Variants in IPO11 observed in about 807,000 individuals in gnomAD.
IPO11 encodes importin-11.
Under a neutral mutation model 143.2 loss-of-function variants are expected in IPO11, and 66 were observed. That is an observed-to-expected ratio of 0.46 (90% CI 0.38 to 0.57). The LOEUF (loss-of-function observed/expected upper bound fraction) is 0.57. IPO11 is among the 20% of genes least tolerant of loss of function. The pLI, the probability that IPO11 is intolerant of heterozygous loss-of-function variation, is 0.00. For synonymous variants in IPO11, 385 were observed against 377.8 expected, an observed-to-expected ratio of 1.02 and a Z score of -0.22; for missense variants, 1,026 against 1,141.0, an observed-to-expected ratio of 0.90 and a Z score of 1.45.
intron 1 of IPO11, among the ~76,000 whole-genome samples, chr5:62,434,339 T>C (rs1348743428): frequency 6.6e-6 from 1 of 152,168 alleles, no homozygotes; most frequent in Non-Finnish European, 1.5e-5. Flanking sequence ...GGTTTCTCTG[T>C]TGCCCAGGCT....
At position 62,504,868 on chromosome 5, in the gene IPO11, T is replaced by C. The variant is rs775318648; in HGVS notation, c.1635T>C (p.Asp545=). The change falls in exon 18 of 30, where the codon GAT becomes GAC. Residue 545 remains aspartate (D), a synonymous_variant. Coordinates refer to ENST00000325324, the MANE Select transcript of IPO11 (RefSeq NM_016338.5). ...TATTLKLTVD[D]FEFRTDQFLP... ...TTAACTGTTCTTCACCTGTTGATGA[T>C]TTTGAATTTAGAACAGATCAGTTTC... is the stretch of plus-strand genomic sequence containing the variant. The C allele has an allele frequency of 6.4e-7, 1 of 1,564,724 alleles. No homozygotes were observed. The highest frequency in any genetic ancestry group is 1.8e-5 in the Admixed American group (1 of 54,930).
intron 29 of IPO11, among the ~76,000 whole-genome samples, chr5:62,614,694 G>A (rs373617354): frequency 1.3e-4 from 20 of 150,262 alleles, no homozygotes; most frequent in South Asian, 4.2e-4. Context: ...CTGCAACTCC[G>A]AAAACCCAAG....
chr5:62,486,143 G>T (rs1303341142), intron 12 of IPO11, among the ~76,000 whole-genome samples: 4 of 151,736 alleles, frequency 2.6e-5, no homozygotes, highest in Non-Finnish European at 5.9e-5. Context: ...ACCACGCCCA[G>T]CTAATTTTTT....
At chr5:62,503,330 CTAATATATTAATAGTATCTAT>C (rs1238641515) in intron 16 of IPO11, among the ~76,000 whole-genome samples, 3,136 of 123,208 alleles carry the variant, frequency 0.025, 237 homozygotes, top group East Asian at 0.11. Flanking sequence ...ATAGTATCTA[CTAATATATTAATAGTATCTAT>C]TAATATATTA....
chr5:62,621,530 G>A (rs943556920), intron 29 of IPO11, among the ~76,000 whole-genome samples: 2 of 152,106 alleles, frequency 1.3e-5, no homozygotes, highest in African/African-American at 2.4e-5. Flanking sequence ...CCTGCAGTCC[G>A]TTTTTCGGCC....
At chr5:62,502,572 T>C (rs1156855097) in intron 16 of IPO11, among the ~76,000 whole-genome samples, 1 of 152,214 alleles carries the variant, frequency 6.6e-6, no homozygotes, top group Non-Finnish European at 1.5e-5. Flanking sequence ...ATGCAGGCAG[T>C]TCATCTTAAT....
Position 62,584,817 on chromosome 5 carries a change from C to T in IPO11, c.2583-6760C>T, listed in dbSNP as rs546613709. On this transcript the variant is annotated intron_variant, in intron 27 of 29. Coordinates refer to ENST00000325324, the MANE Select transcript of IPO11 (RefSeq NM_016338.5). ...GCTGAAGCTGATAAGCTTGTGTGGC[C>T]GCACACTTTTAATGTGGGAAGCCTG... Among the ~76,000 whole-genome samples, 8 of 151,110 alleles carry T rather than the reference C, an allele frequency of 5.3e-5. No individual in the cohort carries two copies. In the South Asian group the frequency reaches 1.3e-3, roughly 24 times the overall value.
chr5:62,507,821 A>G (rs1741603480), intron 19 of IPO11, among the ~76,000 whole-genome samples: 1 of 152,226 alleles, frequency 6.6e-6, no homozygotes, highest in Non-Finnish European at 1.5e-5. Context: ...AGTAAATTTA[A>G]AAATGCTTAT....
At chr5:62,427,462 TC>T (rs1312282425) in intron 1 of IPO11, among the ~76,000 whole-genome samples, 2 of 152,154 alleles carry the variant, frequency 1.3e-5, no homozygotes, top group Non-Finnish European at 2.9e-5. Flanking sequence ...AGGGCAGGTG[TC>T]CCCAGCCCTC....
At chr5:62,579,068 C>G (rs1305428832) in intron 27 of IPO11, 9 of 253,044 alleles carry the variant, frequency 3.6e-5, no homozygotes, top group Non-Finnish European at 6.2e-5. Context: ...TGATATTAGA[C>G]TTTATGTTGT....
intron 1 of IPO11, among the ~76,000 whole-genome samples, chr5:62,435,210 G>GTATATGTATATATATGTATATATA (rs769669064): frequency 3.2e-5 from 3 of 92,328 alleles, no homozygotes; most frequent in African/African-American, 1.4e-4. Flanking sequence ...GTATATATAT[G>GTATATGTATATATATGTATATATA]TGTATATATA....
At position 62,552,150 on chromosome 5, in the gene IPO11, A is replaced by G. The variant is rs188379174; in HGVS notation, c.2460+814A>G. ...AAAAAGAAAAAAGAAAAAAGACTAT[A>G]TATGAGATATTCAAATAAGATTATG... is the stretch of plus-strand genomic sequence containing the variant. On this transcript the variant is annotated intron_variant, in intron 26 of 29. Transcript: ENST00000325324. 8.4e-4 allele frequency among the ~76,000 whole-genome samples: 128 copies of G among 152,156 alleles called. 3 individuals carry two copies. The highest frequency in any genetic ancestry group is 3.0e-3 in the African/African-American group (124 of 41,544).
Position 62,449,909 on chromosome 5 carries a change from A to T in IPO11, c.240-18A>T. The T allele has an allele frequency of 1.4e-6, 2 of 1,401,434 alleles. No homozygotes were observed. The highest frequency in any genetic ancestry group is 1.9e-6 in the Non-Finnish European group (2 of 1,052,474). The allele number at this position is 1,401,434 out of a possible 1,614,324, so 86.8% of individuals were successfully genotyped here. A position where few individuals can be genotyped will look rare whatever the true frequency, so the allele number is the denominator to read the frequency against. ...GGTGGCATTCTTTTGCATAATCAAT[A>T]CTTTTTTTTTTTTACAGTGCTCTCT... On this transcript the variant is annotated intron_variant, in intron 3 of 29. Transcript: ENST00000325324.
intron 20 of IPO11, among the ~76,000 whole-genome samples, chr5:62,516,267 G>A (rs1448378511): frequency 6.6e-6 from 1 of 152,080 alleles, no homozygotes; most frequent in Non-Finnish European, 1.5e-5. Flanking sequence ...TTTTGAACAT[G>A]AGCTCATTCT....
At chr5:62,563,613 A>G (rs546805813) in intron 27 of IPO11, among the ~76,000 whole-genome samples, 28 of 152,288 alleles carry the variant, frequency 1.8e-4, no homozygotes, top group Admixed American at 6.5e-4. Context: ...CATATATATA[A>G]CAAGATATTT....
At chr5:62,583,209 G>GT (rs1407063647) in intron 27 of IPO11, among the ~76,000 whole-genome samples, 7 of 152,056 alleles carry the variant, frequency 4.6e-5, no homozygotes, top group Non-Finnish European at 7.4e-5. Flanking sequence ...ATCCAATTAT[G>GT]TTTTTTCTTT....
intron 24 of IPO11, among the ~76,000 whole-genome samples, chr5:62,545,971 G>T (rs1396785205): frequency 6.6e-6 from 1 of 152,184 alleles, no homozygotes; most frequent in Admixed American, 6.6e-5. Flanking sequence ...AGGATGTGGA[G>T]AAATAGGAAC....
chr5:62,506,728 G>A (rs1461222985), intron 19 of IPO11, among the ~76,000 whole-genome samples: 2 of 152,092 alleles, frequency 1.3e-5, no homozygotes, highest in African/African-American at 4.8e-5. Flanking sequence ...ATTTTTTGCA[G>A]TCTGGTCTGC....
chr5:62,484,814 C>A (rs1207335967), intron 11 of IPO11, among the ~76,000 whole-genome samples: 1 of 151,102 alleles, frequency 6.6e-6, no homozygotes, highest in Non-Finnish European at 1.5e-5. Flanking sequence ...TTTTGTAATA[C>A]TTATCTTCGC....
Sources: allele counts gnomAD v4.1 joint callset (sites outside exome capture counted in the v4.1 genomes callset), GRCh38; gene constraint gnomAD v4.1.1; transcripts MANE v1.5; gene names NCBI Gene and HGNC (gene_info 2026-07-23, HGNC 2026-07-21).